The following VMP1 variants were observed in gnomAD, a reference collection of about 807,000 sequenced individuals.
The protein encoded by VMP1 is ectopic P-granules autophagy protein 3 homolog.
In VMP1, 11 loss-of-function variants were observed where a neutral mutation model predicts 56.0. The observed-to-expected ratio is 0.20, with a 90% CI of 0.12 to 0.32. VMP1 has a LOEUF of 0.32. Ranked by LOEUF, VMP1 falls within the 10% of genes least tolerant of loss-of-function variation. The pLI, the probability that VMP1 is intolerant of heterozygous loss-of-function variation, is 1.00. For synonymous variants in VMP1, 149 were observed against 165.0 expected (o/e 0.90, Z 0.74); for missense variants, 296 against 490.3 (o/e 0.60, Z 3.74).
intron 1 of VMP1, among the ~76,000 whole-genome samples, chr17:59,729,143 G>T (rs2143790569): frequency 6.6e-6 from 1 of 152,120 alleles, no homozygotes; most frequent in East Asian, 1.9e-4. Flanking sequence ...CATTGTTTGG[G>T]TATACCATAT....
At chr17:59,801,080 GAA>G (rs571996545) in intron 7 of VMP1, among the ~76,000 whole-genome samples, 1,392 of 66,048 alleles carry the variant, frequency 0.021, 41 homozygotes, top group Admixed American at 0.057. Flanking sequence ...ACTCCATCTC[GAA>G]AAAAAAAAAA....
At chr17:59,714,957 C>T (rs2034095140) in intron 1 of VMP1, among the ~76,000 whole-genome samples, 1 of 152,330 alleles carries the variant, frequency 6.6e-6, no homozygotes, top group East Asian at 1.9e-4. Context: ...GCTGGGATTA[C>T]AAGCATGAAC....
chr17:59,814,062 C>T (rs1035507257), intron 9 of VMP1, among the ~76,000 whole-genome samples: 2 of 152,164 alleles, frequency 1.3e-5, no homozygotes. Context: ...CTCACTGCAA[C>T]CTCCGCCTCC....
chr17:59,737,460 C>T lies in VMP1; in HGVS notation c.220C>T (p.His74Tyr), dbSNP rs367803899. The change falls in exon 4 of 12, where the codon CAT becomes TAT. Residue 74 changes from histidine (H) to tyrosine (Y), a missense_variant. His to Tyr is a moderately conservative substitution (Grantham distance 83, BLOSUM62 2). Around this residue, in one of 4 missense-constraint regions of VMP1, gnomAD observed 126 missense variants for 231.6 expected, o/e 0.54. Coordinates refer to ENST00000262291, the MANE Select transcript of VMP1 (RefSeq NM_030938.5). ...ILKEWTSKLW[H>Y]RQSIVVSFLL... ...TTTTTATTTGTTTTTAAGATTATGG[C>T]ATCGTCAAAGCATTGTGGTGTCTTT... is the stretch of plus-strand genomic sequence containing the variant. 26 of 1,607,910 alleles carry T rather than the reference C, an allele frequency of 1.6e-5. No individual in the cohort carries two copies. The highest frequency in any genetic ancestry group is 4.0e-5 in the African/African-American group (3 of 74,540).
chr17:59,769,253 C>T (rs922331172), intron 6 of VMP1, among the ~76,000 whole-genome samples: 5 of 150,372 alleles, frequency 3.3e-5, no homozygotes, highest in Non-Finnish European at 7.4e-5. Context: ...CTCCCAGGTT[C>T]AAGTGATTCT....
At chr17:59,742,335 G>GAAA (rs1451843229) in intron 5 of VMP1, among the ~76,000 whole-genome samples, 2 of 151,808 alleles carry the variant, frequency 1.3e-5, no homozygotes, top group Admixed American at 1.3e-4. Context: ...CCCCGTTTCT[G>GAAA]AAAAACACAT....
intron 7 of VMP1, among the ~76,000 whole-genome samples, chr17:59,801,110 A>ATG (rs1189271484): frequency 1.0e-4 from 11 of 109,708 alleles, no homozygotes; most frequent in African/African-American, 2.7e-4. Flanking sequence ...ATATATATAT[A>ATG]TATGTGTGTG....
Position 59,735,342 on chromosome 17 carries a change from C to T in VMP1, c.81C>T (p.Pro27=), listed in dbSNP as rs2034977733. 6.2e-7 allele frequency: 1 copy of T among 1,613,902 alleles called. No homozygotes were observed. Among genetic ancestry groups the T allele is most frequent in the Non-Finnish European group, 8.5e-7 (1 of 1,179,922 alleles). The change falls in exon 3 of 12, where the codon CCC becomes CCT. Residue 27 remains proline, a synonymous_variant. Transcript: ENST00000262291. ...CTCTGCACTATTGTTTTTCAGACCC[C>T]TCTTCAGTGAATGAAAAGAAGAGGA... ...KEHHNGNFTD[P]SSVNEKKRRE... is the part of the protein sequence containing the mutation.
chr17:59,746,117 C>T (rs1338567521), intron 5 of VMP1, among the ~76,000 whole-genome samples: 1 of 152,136 alleles, frequency 6.6e-6, no homozygotes, highest in Non-Finnish European at 1.5e-5. Context: ...ACGTGTTTGG[C>T]TTTAAAATGG....
At chr17:59,815,175 G>A (rs1019239162) in intron 9 of VMP1, among the ~76,000 whole-genome samples, 1 of 152,044 alleles carries the variant, frequency 6.6e-6, no homozygotes, top group African/African-American at 2.4e-5. Flanking sequence ...TGTTAGATCA[G>A]ATTTCCCCTT....
At chr17:59,787,920 A>G (rs961179710) in intron 7 of VMP1, among the ~76,000 whole-genome samples, 3 of 152,198 alleles carry the variant, frequency 2.0e-5, no homozygotes, top group Non-Finnish European at 4.4e-5. Flanking sequence ...TTGTAACAAA[A>G]TAAGAAAAAC....
At position 59,811,657 on chromosome 17, in the gene VMP1, T is replaced by C. The variant is rs143236405; in HGVS notation, c.796-13T>C. 2,709 of 1,574,826 alleles carry C rather than the reference T, an allele frequency of 1.7e-3. 6 individuals are homozygous for C. The highest frequency in any genetic ancestry group is 2.2e-3 in the Non-Finnish European group (2,546 of 1,150,800). On this transcript the variant is annotated splice_polypyrimidine_tract_variant and intron_variant, in intron 8 of 11. Transcript: ENST00000262291. ...GGATTATAATATGGAAGTCCTTCTTTTTCTCTCTATAGATTCCAAATCCTT... is the reference window on the plus strand; with the variant it reads ...GGATTATAATATGGAAGTCCTTCTTCTTCTCTCTATAGATTCCAAATCCTT...
chr17:59,710,074 G>GT (rs745644461), intron 1 of VMP1, among the ~76,000 whole-genome samples: 11 of 152,084 alleles, frequency 7.2e-5, no homozygotes, highest in Non-Finnish European at 1.5e-4. Context: ...GCAGGCGCCT[G>GT]TAATCCCAGC....
chr17:59,838,526 G>A, intron 11 of VMP1, 129 bp downstream of exon 11: 1 of 890,486 alleles, frequency 1.1e-6, no homozygotes. Flanking sequence ...CAGAAGTTGA[G>A]CGTCTGTGTA....
chr17:59,776,882 C>T (rs2036635830), intron 7 of VMP1, among the ~76,000 whole-genome samples: 1 of 152,144 alleles, frequency 6.6e-6, no homozygotes, highest in Admixed American at 6.5e-5. Flanking sequence ...GAGTTGTTCT[C>T]TCATAAGTCA....
chr17:59,801,338 T>C (rs2037655332), intron 7 of VMP1, among the ~76,000 whole-genome samples: 1 of 151,574 alleles, frequency 6.6e-6, no homozygotes, highest in Admixed American at 6.6e-5. Context: ...CTCAACTTCC[T>C]GGGCTCTGGC....
intron 5 of VMP1, among the ~76,000 whole-genome samples, chr17:59,753,692 G>A (rs905955352): frequency 6.6e-6 from 1 of 152,200 alleles, no homozygotes; most frequent in Non-Finnish European, 1.5e-5. Context: ...GTTAAGCCCA[G>A]CTTCTAGACA....
chr17:59,794,167 G>A (rs2037345127), intron 7 of VMP1, among the ~76,000 whole-genome samples: 1 of 146,810 alleles, frequency 6.8e-6, no homozygotes. Flanking sequence ...TGATCTGCCT[G>A]CCTCAGCCTC....
At chr17:59,817,824 A>G in intron 10 of VMP1, 51 bp downstream of exon 10, 3 of 1,411,710 alleles carry the variant, frequency 2.1e-6, no homozygotes, top group Non-Finnish European at 2.9e-6. Context: ...TTTAAATGGG[A>G]GTAAATGTGT....
Sources: allele counts gnomAD v4.1 joint callset (sites outside exome capture counted in the v4.1 genomes callset), GRCh38; gene constraint gnomAD v4.1.1; regional missense constraint gnomAD v4.1.1; transcripts MANE v1.5; gene names NCBI Gene and HGNC (gene_info 2026-07-23, HGNC 2026-07-21).